Variants in PRDM5 observed in about 807,000 individuals in gnomAD.
PRDM5 encodes the protein PR domain zinc finger protein 5.
Under a neutral mutation model 81.2 loss-of-function variants are expected in PRDM5, and 56 were observed. The observed-to-expected ratio is 0.69, with a 90% CI of 0.56 to 0.86. The LOEUF (loss-of-function observed/expected upper bound fraction) is 0.86. PRDM5 is among the 40% of genes least tolerant of loss of function. The pLI is 0.00. For missense variants in PRDM5, 697 were observed against 770.1 expected, an observed-to-expected ratio of 0.91 and a Z score of 1.12; for synonymous variants, 267 against 256.4, an observed-to-expected ratio of 1.04 and a Z score of -0.39.
chr4:120,819,174 T>C (rs746320574), intron 4 of PRDM5, among the ~76,000 whole-genome samples: 20 of 152,266 alleles, frequency 1.3e-4, no homozygotes, highest in Non-Finnish European at 2.2e-4. Flanking sequence ...CAAGCCTGAC[T>C]TGCCTTTAGT....
chr4:120,689,570 T>C (rs1578551383), downstream of PRDM5, among the ~76,000 whole-genome samples: 1 of 152,030 alleles, frequency 6.6e-6, no homozygotes, highest in South Asian at 2.1e-4. Flanking sequence ...AAAGTAATGA[T>C]TGATTTCCAC....
chr4:120,707,368 A>G (rs1451348822), intron 15 of PRDM5, among the ~76,000 whole-genome samples: 2 of 152,056 alleles, frequency 1.3e-5, no homozygotes, highest in Non-Finnish European at 2.9e-5. Flanking sequence ...AGGTATCTGA[A>G]AAACTCCAAC....
At chr4:120,815,247 T>A (rs1357254942) in intron 7 of PRDM5, among the ~76,000 whole-genome samples, 1 of 150,288 alleles carries the variant, frequency 6.7e-6, no homozygotes, top group Non-Finnish European at 1.5e-5. Context: ...TATGCTTGCC[T>A]TTTGCAATCA....
intron 10 of PRDM5, among the ~76,000 whole-genome samples, chr4:120,795,891 T>G (rs2149276555): frequency 6.6e-6 from 1 of 152,246 alleles, no homozygotes; most frequent in South Asian, 2.1e-4. Flanking sequence ...CTAGCCTGAG[T>G]GACAGAGTGA....
intron 8 of PRDM5, among the ~76,000 whole-genome samples, chr4:120,808,710 G>A (rs552622498): frequency 9.2e-5 from 14 of 152,288 alleles, no homozygotes; most frequent in Admixed American, 2.6e-4. Flanking sequence ...CCACGGCAAT[G>A]GGGAGGCTCA....
Position 120,695,278 on chromosome 4 carries a change from A to G in PRDM5, c.1729-3T>C, listed in dbSNP as rs1409460681. ...AGGCTAAAAGCCAAATCACAAACCT[A>G]GAAAAGACCCAAAGACCAACCATAT... On this transcript the variant is annotated splice_polypyrimidine_tract_variant and splice_region_variant and intron_variant, in intron 15 of 15. Coordinates refer to ENST00000264808, the MANE Select transcript of PRDM5 (RefSeq NM_018699.4). The G allele has an allele frequency of 6.2e-7, 1 of 1,613,252 alleles. No individual in the cohort carries two copies.
At chr4:120,703,959 G>T (rs752889128) in intron 15 of PRDM5, among the ~76,000 whole-genome samples, 1 of 152,160 alleles carries the variant, frequency 6.6e-6, no homozygotes, top group East Asian at 1.9e-4. Context: ...ATGTAAGAAA[G>T]GTTCTCAGAC....
chr4:120,919,042 C>T (rs2148719172), intron 1 of PRDM5, among the ~76,000 whole-genome samples: 1 of 152,310 alleles, frequency 6.6e-6, no homozygotes, highest in Non-Finnish European at 1.5e-5. Flanking sequence ...ACTGAACAGG[C>T]TGGCTCTCTG....
chr4:120,723,923 A>ATTTTTTT (rs70948360), intron 14 of PRDM5, among the ~76,000 whole-genome samples: 25 of 81,254 alleles, frequency 3.1e-4, no homozygotes, highest in African/African-American at 9.8e-4. Context: ...GATAGCTTGA[A>ATTTTTTT]TTTTTTTTTT....
At chr4:120,753,228 C>A (rs1374103518) in intron 14 of PRDM5, among the ~76,000 whole-genome samples, 1 of 152,118 alleles carries the variant, frequency 6.6e-6, no homozygotes, top group African/African-American at 2.4e-5. Flanking sequence ...TGTAAAATAA[C>A]CTCCTAATCT....
At chr4:120,732,168 G>A (rs1466837492) in intron 14 of PRDM5, among the ~76,000 whole-genome samples, 1 of 152,090 alleles carries the variant, frequency 6.6e-6, no homozygotes, top group Non-Finnish European at 1.5e-5. Context: ...CATAAAAAAG[G>A]GAGAATTTGC....
At position 120,723,923 on chromosome 4, in the gene PRDM5, A is replaced by ATTTTTTTTTTTTTTTTT. The variant is rs70948360; in HGVS notation, c.1624-13527_1624-13511dup. On this transcript the variant is annotated intron_variant, in intron 14 of 15. Transcript: ENST00000264808. ...GTCTTACAAATTTAAGATAGCTTGA[A>ATTTTTTTTTTTTTTTTT]TTTTTTTTTTTTTTTTTTTTTTTTT... 1.5e-4 allele frequency among the ~76,000 whole-genome samples: 12 copies of ATTTTTTTTTTTTTTTTT among 81,274 alleles called. 1 individual carries two copies. Among genetic ancestry groups the ATTTTTTTTTTTTTTTTT allele is most frequent in the African/African-American group, 6.2e-4 (12 of 19,282 alleles). 53.3% of individuals were successfully genotyped at this position (81,274 alleles called of 152,430 possible).
chr4:120,758,072 T>C (rs1159630514), intron 13 of PRDM5, among the ~76,000 whole-genome samples: 1 of 152,130 alleles, frequency 6.6e-6, no homozygotes, highest in Non-Finnish European at 1.5e-5. Flanking sequence ...CTGACTTACA[T>C]CATTGGCTCA....
In PRDM5 at chr4:120,694,131, G is replaced by A. The variant is rs1187881895; in HGVS notation, c.*980C>T. The A allele has an allele frequency of 2.6e-5, 4 of 152,074 alleles. No individual in the cohort carries two copies. Among genetic ancestry groups the A allele is most frequent in the South Asian group, 2.1e-4 (1 of 4,824 alleles). 9.4% of individuals were successfully genotyped at this position (152,074 alleles called of 1,614,324 possible). On this transcript the variant is annotated 3_prime_UTR_variant, in exon 16 of 16. Transcript: ENST00000264808. ...GTCTTTTGCAAAATGGAATGTTAAT[G>A]TTCTGAGGACTGTATCTGCACTAAC...
At chr4:120,858,576 T>C (rs74671630) in intron 2 of PRDM5, among the ~76,000 whole-genome samples, 18,278 of 151,816 alleles carry the variant, frequency 0.12, 1,308 homozygotes, top group East Asian at 0.17. Flanking sequence ...AACGCGTGCG[T>C]GCGCGCGCAC....
At chr4:120,847,880 A>G (rs1026735820) in intron 3 of PRDM5, among the ~76,000 whole-genome samples, 8 of 152,302 alleles carry the variant, frequency 5.3e-5, no homozygotes, top group African/African-American at 1.2e-4. Context: ...TTGGTCTTCA[A>G]TAGAAGTAGA....
At chr4:120,771,279 G>A (rs1052126105) in intron 13 of PRDM5, among the ~76,000 whole-genome samples, 2 of 152,062 alleles carry the variant, frequency 1.3e-5, no homozygotes, top group Non-Finnish European at 2.9e-5. Flanking sequence ...TAATAAATAA[G>A]GCAGTGTAAA....
chr4:120,875,507 C>G (rs1762254303), intron 2 of PRDM5, among the ~76,000 whole-genome samples: 1 of 152,204 alleles, frequency 6.6e-6, no homozygotes, highest in African/African-American at 2.4e-5. Flanking sequence ...GCCCTGGAAG[C>G]AGAGCTGTTA....
At chr4:120,753,166 C>T (rs73845483) in intron 14 of PRDM5, among the ~76,000 whole-genome samples, 7,916 of 152,102 alleles carry the variant, frequency 0.052, 310 homozygotes, top group African/African-American at 0.12. Context: ...GCCTTTTTGT[C>T]GGCATCTTTT....
Sources: gnomAD v4.1 joint callset for allele counts (sites outside exome capture counted in the v4.1 genomes callset) on GRCh38, gnomAD v4.1.1 for gene constraint, MANE v1.5 for transcripts, NCBI Gene and HGNC (gene_info 2026-07-23, HGNC 2026-07-21) for gene names.